ADGRB3: variants seen among roughly 807,000 people sequenced by gnomAD.
ADGRB3 encodes brain-specific angiogenesis inhibitor 3.
In ADGRB3, 37 loss-of-function variants were observed where a neutral mutation model predicts 193.4. That is an observed-to-expected ratio of 0.19 (90% CI 0.15 to 0.25). The LOEUF is 0.25. Ranked by LOEUF, ADGRB3 falls within the 10% of genes least tolerant of loss-of-function variation. The pLI, the probability that ADGRB3 is intolerant of heterozygous loss-of-function variation, is 1.00. For missense variants in ADGRB3, 1,637 were observed against 1,852.9 expected, an observed-to-expected ratio of 0.88 and a Z score of 2.14; for synonymous variants, 690 against 644.2, an observed-to-expected ratio of 1.07 and a Z score of -1.08.
chr6:68,914,378 A>G (rs993225403), intron 3 of ADGRB3, among the ~76,000 whole-genome samples: 10 of 152,186 alleles, frequency 6.6e-5, no homozygotes, highest in Non-Finnish European at 4.4e-5. Flanking sequence ...AAGAGTGTGG[A>G]GGCCAATATT....
intron 29 of ADGRB3, among the ~76,000 whole-genome samples, chr6:69,370,898 G>A (rs996013356): frequency 1.3e-5 from 2 of 152,066 alleles, no homozygotes; most frequent in African/African-American, 4.8e-5. Flanking sequence ...TTGCAGCAAA[G>A]TGTGGTGCAG....
chr6:69,240,764 T>C (rs750936837), intron 20 of ADGRB3, among the ~76,000 whole-genome samples: 23 of 152,162 alleles, frequency 1.5e-4, no homozygotes, highest in African/African-American at 5.3e-4. Flanking sequence ...CTTTCCTTTT[T>C]GCTTGTTCAC....
intron 3 of ADGRB3, among the ~76,000 whole-genome samples, chr6:68,871,325 T>C (rs941717885): frequency 2.0e-5 from 3 of 152,290 alleles, no homozygotes; most frequent in Admixed American, 6.5e-5. Flanking sequence ...TAGAAACAGA[T>C]GACTGAGGGG....
At chr6:69,162,754 T>C (rs1775031454) in intron 17 of ADGRB3, among the ~76,000 whole-genome samples, 1 of 152,118 alleles carries the variant, frequency 6.6e-6, no homozygotes, top group Non-Finnish European at 1.5e-5. Context: ...GGAAACTATG[T>C]AAAATAGATA....
intron 3 of ADGRB3, among the ~76,000 whole-genome samples, chr6:68,925,688 A>G (rs902605212): frequency 6.6e-6 from 1 of 152,034 alleles, no homozygotes; most frequent in Non-Finnish European, 1.5e-5. Flanking sequence ...AGTTGAGGGC[A>G]TTCCAGTATT....
At chr6:68,912,179 G>A (rs1766731793) in intron 3 of ADGRB3, among the ~76,000 whole-genome samples, 1 of 151,792 alleles carries the variant, frequency 6.6e-6, no homozygotes, top group Non-Finnish European at 1.5e-5. Flanking sequence ...AACCTTTAGG[G>A]TCTATAGAGG....
chr6:68,734,167 T>C (rs1765829730), intron 3 of ADGRB3, among the ~76,000 whole-genome samples: 1 of 151,930 alleles, frequency 6.6e-6, no homozygotes, highest in South Asian at 2.1e-4. Flanking sequence ...ACAAAACTTA[T>C]AGAAATATTT....
chr6:68,659,214 C>G (rs146394947), intron 3 of ADGRB3, among the ~76,000 whole-genome samples: 2 of 150,578 alleles, frequency 1.3e-5, no homozygotes, highest in Non-Finnish European at 3.0e-5. Flanking sequence ...CAAGCTGATG[C>G]AATTTTTTTT....
intron 3 of ADGRB3, among the ~76,000 whole-genome samples, chr6:68,878,270 A>C (rs957279779): frequency 2.0e-5 from 3 of 152,076 alleles, no homozygotes; most frequent in Non-Finnish European, 4.4e-5. Context: ...TTATTATAAG[A>C]AAGACATAAA....
At chr6:68,718,770 A>C (rs1332468026) in intron 3 of ADGRB3, among the ~76,000 whole-genome samples, 1 of 151,716 alleles carries the variant, frequency 6.6e-6, no homozygotes, top group Non-Finnish European at 1.5e-5. Context: ...GTAAGTGCTA[A>C]TCTATCAGCT....
At chr6:68,973,557 A>G (rs1046826988) in intron 8 of ADGRB3, among the ~76,000 whole-genome samples, 3 of 152,208 alleles carry the variant, frequency 2.0e-5, no homozygotes, top group Non-Finnish European at 2.9e-5. Flanking sequence ...TTCTCCCAAG[A>G]AATCACACTC....
chr6:69,088,380 GT>G (rs1458250074), intron 17 of ADGRB3, among the ~76,000 whole-genome samples: 1 of 151,968 alleles, frequency 6.6e-6, no homozygotes, highest in Non-Finnish European at 1.5e-5. Flanking sequence ...TGTTGTTGTT[GT>G]TTTTGTTTTG....
chr6:68,915,597 A>T (rs1441208109), intron 3 of ADGRB3, among the ~76,000 whole-genome samples: 3 of 152,158 alleles, frequency 2.0e-5, no homozygotes, highest in African/African-American at 7.2e-5. Flanking sequence ...TAGACAGGAG[A>T]GTGTCCTCGG....
At chr6:68,682,396 A>G (rs1764911948) in intron 3 of ADGRB3, among the ~76,000 whole-genome samples, 2 of 152,212 alleles carry the variant, frequency 1.3e-5, no homozygotes, top group African/African-American at 4.8e-5. Flanking sequence ...TTGAAATCGA[A>G]CCAAAGAAAA....
At chr6:69,036,633 G>A (rs1290835225) in intron 13 of ADGRB3, among the ~76,000 whole-genome samples, 2 of 152,096 alleles carry the variant, frequency 1.3e-5, no homozygotes, top group Non-Finnish European at 2.9e-5. Flanking sequence ...TCTTTATATG[G>A]GGTAGTTAGG....
intron 17 of ADGRB3, among the ~76,000 whole-genome samples, chr6:69,205,002 T>G (rs2150359071): frequency 6.6e-6 from 1 of 152,174 alleles, no homozygotes; most frequent in East Asian, 1.9e-4. Flanking sequence ...CATTTTATAT[T>G]AAGTTAAAAT....
intron 17 of ADGRB3, among the ~76,000 whole-genome samples, chr6:69,117,821 C>T (rs983748543): frequency 1.3e-5 from 2 of 152,132 alleles, no homozygotes; most frequent in African/African-American, 4.8e-5. Flanking sequence ...CTCCAAAGAA[C>T]ACACTTTTTC....
intron 3 of ADGRB3, among the ~76,000 whole-genome samples, chr6:68,786,159 T>G (rs1042293284): frequency 2.6e-5 from 4 of 152,116 alleles, no homozygotes; most frequent in African/African-American, 9.7e-5. Flanking sequence ...TTAGTTTAAT[T>G]AGATCCCATT....
chr6:68,854,537 AT>A (rs1385687728), intron 3 of ADGRB3, among the ~76,000 whole-genome samples: 4 of 148,892 alleles, frequency 2.7e-5, no homozygotes, highest in East Asian at 2.2e-4. Context: ...AATCTAAAAA[AT>A]TTTTTTTTGG....
Sources: gnomAD v4.1 joint callset for allele counts (sites outside exome capture counted in the v4.1 genomes callset) on GRCh38, gnomAD v4.1.1 for gene constraint, MANE v1.5 for transcripts, NCBI Gene and HGNC (gene_info 2026-07-23, HGNC 2026-07-21) for gene names.